Variants in PKP2 observed in about 807,000 individuals in gnomAD.
The protein encoded by PKP2 is plakophilin 2.
In PKP2, 73 loss-of-function variants were observed where a neutral mutation model predicts 83.4. That is an observed-to-expected ratio of 0.88 (90% CI 0.72 to 1.06). The LOEUF (loss-of-function observed/expected upper bound fraction) is 1.06, where lower values mean the gene tolerates loss of function less well. Among genes scored for constraint, PKP2 ranks in the 50% least tolerant of loss-of-function variants. PKP2 has a pLI of 0.00. For missense variants in PKP2, 966 were observed against 1,065.4 expected (o/e 0.91, Z 1.30); for synonymous variants, 409 against 430.4 (o/e 0.95, Z 0.62).
intron 4 of PKP2, among the ~76,000 whole-genome samples, chr12:32,868,342 T>C (rs1388196758): frequency 6.6e-6 from 1 of 151,984 alleles, no homozygotes; most frequent in Non-Finnish European, 1.5e-5. Flanking sequence ...GCCTCCCAAG[T>C]AGCTGGGGTT....
chr12:32,809,855 ACT>A (rs1446406533), intron 9 of PKP2, among the ~76,000 whole-genome samples: 2 of 152,128 alleles, frequency 1.3e-5, no homozygotes, highest in African/African-American at 4.8e-5. Context: ...TGGGTGGGCC[ACT>A]GACCCACTCT....
At chr12:32,857,072 C>T (rs1019564278) in intron 4 of PKP2, among the ~76,000 whole-genome samples, 2 of 152,182 alleles carry the variant, frequency 1.3e-5, no homozygotes, top group African/African-American at 4.8e-5. Context: ...AATGTCCTGC[C>T]TCCCAGCCCA....
chr12:32,892,730 G>C (rs1957084701), intron 1 of PKP2, among the ~76,000 whole-genome samples: 1 of 138,860 alleles, frequency 7.2e-6, no homozygotes, highest in Non-Finnish European at 1.5e-5. Flanking sequence ...AAATATAATT[G>C]CATTAGGAGA....
intron 4 of PKP2, among the ~76,000 whole-genome samples, chr12:32,860,074 A>G (rs181537376): frequency 6.6e-5 from 10 of 152,340 alleles, no homozygotes; most frequent in Non-Finnish European, 1.3e-4. Flanking sequence ...ACTGAAAATG[A>G]GTAAATGATG....
At position 32,796,017 on chromosome 12, in the gene PKP2, T is replaced by C. The variant is rs149714351; in HGVS notation, c.2357+92A>G. 436 of 1,114,028 alleles carry C rather than the reference T, an allele frequency of 3.9e-4. 1 individual carries two copies. In the East Asian group the frequency reaches 6.8e-3, roughly 17 times the overall value. 69.0% of individuals were successfully genotyped at this position (1,114,028 alleles called of 1,614,324 possible). On this transcript the variant is annotated intron_variant, in intron 11 of 12. Coordinates refer to ENST00000340811, the MANE Select transcript of PKP2 (RefSeq NM_001005242.3). ...CTGTTTGCTGCCATGTTGCACATGA[T>C]GGTCATGACCGCACATTCACAACCG...
intron 4 of PKP2, among the ~76,000 whole-genome samples, chr12:32,853,228 A>C (rs1407828142): frequency 6.6e-6 from 1 of 152,182 alleles, no homozygotes; most frequent in African/African-American, 2.4e-5. Context: ...TTGAATGCTA[A>C]CATAATGCTC....
chr12:32,850,992 C>A lies in PKP2; in HGVS notation c.1171-19G>T, dbSNP rs376451546. Reference sequence around the variant, plus strand: ...GGTTAACCTGGGGAAGAAGCAGATGCATATTTCTAATATTAATTTTGATGT... The same window carrying A: ...GGTTAACCTGGGGAAGAAGCAGATGAATATTTCTAATATTAATTTTGATGT... On this transcript the variant is annotated intron_variant, in intron 4 of 12. Coordinates refer to ENST00000340811, the MANE Select transcript of PKP2 (RefSeq NM_001005242.3). 1.8e-5 allele frequency: 29 copies of A among 1,598,330 alleles called. No homozygotes were observed. In the African/African-American group the frequency reaches 3.5e-4, roughly 19 times the overall value.
At chr12:32,865,656 T>C (rs1188871031) in intron 4 of PKP2, among the ~76,000 whole-genome samples, 5 of 123,870 alleles carry the variant, frequency 4.0e-5, no homozygotes, top group Admixed American at 8.2e-5. Flanking sequence ...ACTGCATTCC[T>C]GTCTGGAACA....
At position 32,841,048 on chromosome 12, in the gene PKP2, G is replaced by A; in HGVS notation, c.1536C>T (p.Tyr512=). 1 of 1,613,528 alleles carries A rather than the reference G, an allele frequency of 6.2e-7. No individual in the cohort carries two copies. Among genetic ancestry groups the A allele is most frequent in the Non-Finnish European group, 8.5e-7 (1 of 1,179,786 alleles). The part of the protein sequence containing the change: ...ANGLLDFDIF[Y]NVTGCLRNMS... ...ATTACCTTAGGCATCCAGTGACGTT[G>A]TAGAATATGTCAAAATCGAGCAAAC... Residue 512 remains tyrosine, a synonymous_variant, in exon 6 of 13, where the codon TAC becomes TAT. Coordinates refer to ENST00000340811, the MANE Select transcript of PKP2 (RefSeq NM_001005242.3).
chr12:32,830,517 C>T lies in PKP2; in HGVS notation c.1557-6355G>A, dbSNP rs576178753. ...CTACAACCTACACATCTTGGTCCTA[C>T]GGGGATAAGAAAAATTAATGGAAAA... is the stretch of plus-strand genomic sequence containing the variant. On this transcript the variant is annotated intron_variant, in intron 6 of 12. Transcript: ENST00000340811. Among the ~76,000 whole-genome samples the T allele has an allele frequency of 5.3e-5, 8 of 152,186 alleles. No individual in the cohort carries two copies. In the East Asian group the frequency reaches 5.8e-4, roughly 11 times the overall value.
intron 6 of PKP2, among the ~76,000 whole-genome samples, chr12:32,839,374 CTTTT>C (rs758561343): frequency 1.5e-5 from 2 of 130,218 alleles, no homozygotes; most frequent in Non-Finnish European, 3.2e-5. Flanking sequence ...AAGATGTGCA[CTTTT>C]TTTTTTTTTT....
rs749926313 is a variant in PKP2, at chr12:32,841,169, T to C, written c.1415A>G (p.Lys472Arg). 1.2e-6 allele frequency: 2 copies of C among 1,613,828 alleles called. No individual in the cohort carries two copies. Among genetic ancestry groups the C allele is most frequent in the African/African-American group, 2.7e-5 (2 of 75,040 alleles). ...LWNLSSNDKL[K>R]NLMITEALLT... The stretch of plus-strand genomic sequence containing the variant: ...CAATGCTTCTGTTATCATGAGATTC[T>C]TGAGTTTGTCATTAGATGACAAATT... The change falls in exon 6 of 13, where the codon AAG becomes AGG. Residue 472 changes from lysine (K) to arginine (R), a missense_variant. By Grantham distance (26) the Lys-to-Arg change is conservative. Transcript: ENST00000340811.
intron 11 of PKP2, among the ~76,000 whole-genome samples, chr12:32,793,428 G>A (rs543284581): frequency 3.3e-5 from 5 of 151,704 alleles, no homozygotes; most frequent in African/African-American, 4.8e-5. Flanking sequence ...AAATACATAC[G>A]ATTTTGTGAC....
intron 11 of PKP2, among the ~76,000 whole-genome samples, chr12:32,794,254 A>G (rs1258842261): frequency 2.0e-5 from 3 of 152,218 alleles, no homozygotes; most frequent in Non-Finnish European, 4.4e-5. Flanking sequence ...GGTCTCTAAT[A>G]TTCAAAACTG....
At chr12:32,866,116 A>G (rs533769766) in intron 4 of PKP2, among the ~76,000 whole-genome samples, 97 of 152,284 alleles carry the variant, frequency 6.4e-4, no homozygotes, top group Non-Finnish European at 1.1e-3. Context: ...TTCATATTAT[A>G]TATCTAGAAA....
At position 32,853,546 on chromosome 12, in the gene PKP2, G is replaced by A. The variant is rs145593295; in HGVS notation, c.1171-2573C>T. ...TTTTGAGACGGAGTCTCGCTCTGTC[G>A]CTCAGGTTGGAGTGCAGTGACACGA... On this transcript the variant is annotated intron_variant, in intron 4 of 12. Coordinates refer to ENST00000340811, the MANE Select transcript of PKP2 (RefSeq NM_001005242.3). Among the ~76,000 whole-genome samples the A allele has an allele frequency of 1.3e-3, 188 of 142,766 alleles. 1 individual carries two copies. The highest frequency in any genetic ancestry group is 4.9e-3 in the African/African-American group (183 of 37,454). The allele number at this position is 142,766 out of a possible 152,430, so 93.7% of individuals were successfully genotyped here.
At chr12:32,874,684 T>A (rs1956918655) in intron 3 of PKP2, among the ~76,000 whole-genome samples, 1 of 152,182 alleles carries the variant, frequency 6.6e-6, no homozygotes, top group Admixed American at 6.5e-5. Flanking sequence ...AGAACCTAGA[T>A]GGCAAAAAGT....
At chr12:32,799,867 G>C (rs541550634) in intron 10 of PKP2, among the ~76,000 whole-genome samples, 29 of 152,250 alleles carry the variant, frequency 1.9e-4, no homozygotes, top group South Asian at 6.2e-4. Flanking sequence ...CAACATTTCA[G>C]AAATAATCAC....
intron 9 of PKP2, among the ~76,000 whole-genome samples, chr12:32,809,233 C>T (rs1042621013): frequency 2.6e-5 from 4 of 152,272 alleles, no homozygotes; most frequent in East Asian, 3.9e-4. Flanking sequence ...GATTGAAGGC[C>T]CCCCACAGGG....
Sources: gnomAD v4.1 joint callset for allele counts (sites outside exome capture counted in the v4.1 genomes callset) on GRCh38, gnomAD v4.1.1 for gene constraint, MANE v1.5 for transcripts, NCBI Gene and HGNC (gene_info 2026-07-23, HGNC 2026-07-21) for gene names.